The following TIAM1 variants were observed in gnomAD, a reference collection of about 807,000 sequenced individuals.
TIAM1 encodes the protein rho guanine nucleotide exchange factor TIAM1.
Under a neutral mutation model 163.5 loss-of-function variants are expected in TIAM1, and 65 were observed. That is an observed-to-expected ratio of 0.40 (90% CI 0.33 to 0.49). TIAM1 has a LOEUF of 0.49. Ranked by LOEUF, TIAM1 falls within the 20% of genes least tolerant of loss-of-function variation. The probability of loss-of-function intolerance (pLI) is 0.77; values close to 1 mark genes in which losing one functional copy is unlikely to be tolerated. For synonymous variants in TIAM1, 833 were observed against 810.1 expected (o/e 1.03, Z -0.48); for missense variants, 1,789 against 2,044.7 (o/e 0.87, Z 2.41).
At chr21:31,408,900 T>C (rs1226022137) in intron 2 of TIAM1, among the ~76,000 whole-genome samples, 1 of 152,120 alleles carries the variant, frequency 6.6e-6, no homozygotes, top group East Asian at 1.9e-4. Context: ...GGGCAATCTA[T>C]GGTTTACAAA....
chr21:31,388,212 A>AACACACACACACACACACAC (rs11369323), intron 2 of TIAM1, among the ~76,000 whole-genome samples: 1 of 115,846 alleles, frequency 8.6e-6, no homozygotes, highest in African/African-American at 3.4e-5. Flanking sequence ...AGAAGACCCT[A>AACACACACACACACACACAC]ACACACACAC....
At chr21:31,127,044 A>T in intron 26 of TIAM1, 21 bp downstream of exon 26, 1 of 1,613,240 alleles carries the variant, frequency 6.2e-7, no homozygotes, top group Non-Finnish European at 8.5e-7. Context: ...CACGGCCTCG[A>T]CTTTACAGGC....
chr21:31,472,395 C>G (rs1195020656), intron 1 of TIAM1, among the ~76,000 whole-genome samples: 2 of 151,870 alleles, frequency 1.3e-5, no homozygotes, highest in Non-Finnish European at 2.9e-5. Context: ...GGTGTGGTAG[C>G]ACATGCCTGT....
At chr21:31,426,559 A>T (rs2043802492) in intron 2 of TIAM1, among the ~76,000 whole-genome samples, 1 of 152,190 alleles carries the variant, frequency 6.6e-6, no homozygotes, top group Non-Finnish European at 1.5e-5. Flanking sequence ...AGGACTTAAA[A>T]CTCAGAAGTC....
chr21:31,148,492 C>T (rs189875830), intron 19 of TIAM1, among the ~76,000 whole-genome samples: 2 of 152,242 alleles, frequency 1.3e-5, no homozygotes, highest in East Asian at 3.9e-4. Context: ...TACAAATTAC[C>T]CAATCTCAGG....
At chr21:31,440,470 TAAAAAAA>T (rs1555981698) in intron 2 of TIAM1, among the ~76,000 whole-genome samples, 4 of 151,966 alleles carry the variant, frequency 2.6e-5, no homozygotes, top group Non-Finnish European at 5.9e-5. Context: ...TCTTGGCCTT[TAAAAAAA>T]AGTCACAACA....
chr21:31,287,066 AAC>A (rs1389374030), intron 2 of TIAM1, among the ~76,000 whole-genome samples: 2 of 152,258 alleles, frequency 1.3e-5, no homozygotes, highest in East Asian at 3.8e-4. Flanking sequence ...GATTTTAAGA[AAC>A]ACTATTTTTG....
At chr21:31,234,371 GAA>G (rs1569079449) in intron 6 of TIAM1, among the ~76,000 whole-genome samples, 3 of 121,118 alleles carry the variant, frequency 2.5e-5, no homozygotes, top group African/African-American at 6.5e-5. Context: ...GGGAAGGAAG[GAA>G]GGAAGGAAGG....
chr21:31,374,275 G>A (rs924329393), intron 2 of TIAM1, among the ~76,000 whole-genome samples: 3 of 152,178 alleles, frequency 2.0e-5, no homozygotes, highest in Non-Finnish European at 2.9e-5. Flanking sequence ...GTGCTGGTAA[G>A]AAGAGGATGG....
intron 6 of TIAM1, among the ~76,000 whole-genome samples, chr21:31,242,204 A>T (rs2071218480): frequency 6.6e-6 from 1 of 152,178 alleles, no homozygotes; most frequent in Admixed American, 6.5e-5. Context: ...AGAGAATATC[A>T]ATAAGGAAAT....
intron 2 of TIAM1, among the ~76,000 whole-genome samples, chr21:31,398,158 C>CAAAAA (rs34895602): frequency 2.5e-4 from 13 of 52,480 alleles, no homozygotes; most frequent in Non-Finnish European, 3.1e-4. Context: ...ATCTTCAGGG[C>CAAAAA]AAAAAAAAAA....
chr21:31,333,667 T>G (rs978311794), intron 2 of TIAM1, among the ~76,000 whole-genome samples: 2 of 152,210 alleles, frequency 1.3e-5, no homozygotes, highest in African/African-American at 4.8e-5. Flanking sequence ...CTCGAATCTC[T>G]AGGCTCAAGT....
intron 2 of TIAM1, among the ~76,000 whole-genome samples, chr21:31,380,695 A>G (rs1044184317): frequency 6.6e-6 from 1 of 152,222 alleles, no homozygotes; most frequent in African/African-American, 2.4e-5. Flanking sequence ...TAATTAATCT[A>G]TTACCACAGT....
chr21:31,470,235 C>T (rs1427662811), intron 1 of TIAM1, among the ~76,000 whole-genome samples: 1 of 151,944 alleles, frequency 6.6e-6, no homozygotes, highest in African/African-American at 2.4e-5. Context: ...AAACTCCTAA[C>T]CTCAGGCGAT....
chr21:31,131,006 A>T, intron 23 of TIAM1, 58 bp from the exon 24 acceptor site: 1 of 1,454,586 alleles, frequency 6.9e-7, no homozygotes, highest in Non-Finnish European at 9.6e-7. Context: ...TTTCCCCTTG[A>T]CATCACCAAC....
chr21:31,316,081 A>G (rs1280758148), intron 2 of TIAM1, among the ~76,000 whole-genome samples: 1 of 152,182 alleles, frequency 6.6e-6, no homozygotes, highest in East Asian at 1.9e-4. Context: ...TTTCTTCTAC[A>G]TATTGAGTGC....
chr21:31,152,860 T>C, intron 18 of TIAM1, 99 bp from the exon 19 acceptor site: 1 of 1,492,614 alleles, frequency 6.7e-7, no homozygotes, highest in Non-Finnish European at 9.0e-7. Context: ...TTCTTATCAA[T>C]TAAGAGAATA....
At chr21:31,292,670 C>CT (rs66519831) in intron 2 of TIAM1, among the ~76,000 whole-genome samples, 5,722 of 131,868 alleles carry the variant, frequency 0.043, 133 homozygotes, top group African/African-American at 0.06. Flanking sequence ...GTGCCTGGCA[C>CT]TTTTTTTTTT....
chr21:31,392,052 C>T (rs2076973850), intron 2 of TIAM1, among the ~76,000 whole-genome samples: 1 of 152,108 alleles, frequency 6.6e-6, no homozygotes. Context: ...TAACTGTAGG[C>T]TAATGTAAGT....
Sources: gnomAD v4.1 joint callset for allele counts (sites outside exome capture counted in the v4.1 genomes callset) on GRCh38, gnomAD v4.1.1 for gene constraint, MANE v1.5 for transcripts, NCBI Gene and HGNC (gene_info 2026-07-23, HGNC 2026-07-21) for gene names.